Variants in LUZP2 observed in about 807,000 individuals in gnomAD.
LUZP2 encodes leucine zipper protein 2.
A neutral mutation model predicts 51.6 loss-of-function variants in LUZP2; 52 were observed. The observed-to-expected ratio is 1.01, with a 90% confidence interval of 0.81 to 1.27. The LOEUF is 1.27. Ranked by LOEUF, LUZP2 falls within the 50% of genes most tolerant of loss-of-function variation. The probability of loss-of-function intolerance (pLI) is 0.00; values close to 1 mark genes in which losing one functional copy is unlikely to be tolerated. For synonymous variants in LUZP2, 154 were observed against 137.3 expected (o/e 1.12, Z -0.85); for missense variants, 436 against 395.4 (o/e 1.10, Z -0.87).
At chr11:25,050,306 T>TTTTTTTTTTTTTTTTTTTTTC (rs1858457095) in intron 10 of LUZP2, among the ~76,000 whole-genome samples, 176 bp downstream of exon 10, 1 of 104,350 alleles carries the variant, frequency 9.6e-6, no homozygotes, top group Non-Finnish European at 2.2e-5. Context: ...TTTTTTTTTT[T>TTTTTTTTTTTTTTTTTTTTTC]TTTTTTTTTT....
chr11:24,861,796 CG>C (rs1851751020), intron 5 of LUZP2, among the ~76,000 whole-genome samples: 1 of 152,162 alleles, frequency 6.6e-6, no homozygotes, highest in African/African-American at 2.4e-5. Flanking sequence ...ACAGTAGAAT[CG>C]CTCCTGTATA....
At chr11:24,817,711 C>T (rs1850227198) in intron 5 of LUZP2, among the ~76,000 whole-genome samples, 1 of 148,580 alleles carries the variant, frequency 6.7e-6, no homozygotes, top group African/African-American at 2.6e-5. Context: ...GTTCAAGATG[C>T]AGATTTGTCC....
chr11:25,030,490 T>C (rs1372699057), intron 9 of LUZP2, among the ~76,000 whole-genome samples: 1 of 152,020 alleles, frequency 6.6e-6, no homozygotes, highest in Non-Finnish European at 1.5e-5. Context: ...CATTAAAGAA[T>C]ATTGACAATT....
rs1481993088 is a variant in LUZP2 at position 25,060,720 on chromosome 11, G to A, written c.858+10590G>A. 4.6e-5 allele frequency among the ~76,000 whole-genome samples: 7 copies of A among 152,078 alleles called. No homozygotes were observed. In the East Asian group the frequency reaches 5.8e-4, roughly 13 times the overall value. On this transcript the variant is annotated intron_variant, in intron 10 of 11. Coordinates refer to ENST00000336930, the MANE Select transcript of LUZP2 (RefSeq NM_001009909.4). ...AAGTTTTCAACAGTATAAATAAAAA[G>A]AAAAGTGATATAGAATAAAAAGCCA...
Position 24,858,541 on chromosome 11 carries a change from A to C in LUZP2, c.397-47450A>C, listed in dbSNP as rs550680922. On this transcript the variant is annotated intron_variant, in intron 5 of 11. Transcript: ENST00000336930. The stretch of plus-strand genomic sequence containing the variant: ...TAATGTTACATTTCTCTGTATTTCT[A>C]CGGGCATTGAGTCTCTCAGCAGGAG... 3.8e-3 allele frequency among the ~76,000 whole-genome samples: 584 copies of C among 152,248 alleles called. 2 individuals carry two copies. The highest frequency in any genetic ancestry group is 0.013 in the African/African-American group (535 of 41,544).
chr11:24,958,470 T>C (rs1179291843), intron 7 of LUZP2, among the ~76,000 whole-genome samples: 1 of 152,200 alleles, frequency 6.6e-6, no homozygotes, highest in East Asian at 1.9e-4. Context: ...TGATAACTCA[T>C]TGTGGTTTTG....
At chr11:24,926,823 C>T (rs937207813) in intron 7 of LUZP2, among the ~76,000 whole-genome samples, 6 of 151,646 alleles carry the variant, frequency 4.0e-5, no homozygotes, top group South Asian at 2.1e-4. Context: ...CACACTGTTT[C>T]TCATAGTGGT....
chr11:24,609,796 A>C (rs1854057253), intron 1 of LUZP2, among the ~76,000 whole-genome samples: 2 of 151,480 alleles, frequency 1.3e-5, no homozygotes, highest in Non-Finnish European at 2.9e-5. Context: ...GTTAAATTGC[A>C]AACCAGCTAG....
At chr11:24,770,133 A>C (rs1235895513) in intron 5 of LUZP2, among the ~76,000 whole-genome samples, 1 of 152,204 alleles carries the variant, frequency 6.6e-6, no homozygotes, top group East Asian at 1.9e-4. Flanking sequence ...TTTCACTTTC[A>C]AAACACCCTT....
At chr11:24,586,189 C>A (rs932579092) in intron 1 of LUZP2, among the ~76,000 whole-genome samples, 1 of 152,074 alleles carries the variant, frequency 6.6e-6, no homozygotes, top group African/African-American at 2.4e-5. Flanking sequence ...TCAACAGAAG[C>A]ATGTATGTTC....
Position 24,805,522 on chromosome 11 carries a change from A to G in LUZP2, c.396+42214A>G, listed in dbSNP as rs566601506. 1.8e-3 allele frequency among the ~76,000 whole-genome samples: 273 copies of G among 152,214 alleles called. 1 individual carries two copies. The highest frequency in any genetic ancestry group is 6.3e-3 in the African/African-American group (263 of 41,538). ...TTTACTTCATACTCTTTCCTTTGTC[A>G]ACATTCTCTTGGATTTGCCCTACAG... On this transcript the variant is annotated intron_variant, in intron 5 of 11. Coordinates refer to ENST00000336930, the MANE Select transcript of LUZP2 (RefSeq NM_001009909.4).
chr11:24,921,038 T>A (rs1240252149), intron 7 of LUZP2, among the ~76,000 whole-genome samples: 2 of 152,056 alleles, frequency 1.3e-5, no homozygotes, highest in Non-Finnish European at 2.9e-5. Flanking sequence ...AGCACTTACA[T>A]TGTATTAGGT....
chr11:24,648,506 A>G (rs1855530416), intron 1 of LUZP2, among the ~76,000 whole-genome samples: 1 of 152,008 alleles, frequency 6.6e-6, no homozygotes. Flanking sequence ...ACATCTTGTG[A>G]AACTGATACA....
chr11:24,663,529 T>C (rs1162367581), intron 1 of LUZP2, among the ~76,000 whole-genome samples: 4 of 152,232 alleles, frequency 2.6e-5, no homozygotes, highest in African/African-American at 9.6e-5. Flanking sequence ...GTAGTGTGAC[T>C]TTCTTCTCAA....
At chr11:25,034,196 T>C (rs1015814361) in intron 9 of LUZP2, among the ~76,000 whole-genome samples, 8 of 152,206 alleles carry the variant, frequency 5.3e-5, no homozygotes, top group African/African-American at 1.9e-4. Flanking sequence ...AGCATTTTTT[T>C]CATATGTTTG....
At chr11:24,729,832 C>A (rs1858648135) in intron 2 of LUZP2, among the ~76,000 whole-genome samples, 1 of 151,604 alleles carries the variant, frequency 6.6e-6, no homozygotes, top group African/African-American at 2.4e-5. Context: ...TTTATTATAT[C>A]CTGTATGCTA....
intron 9 of LUZP2, among the ~76,000 whole-genome samples, chr11:24,986,713 TA>T (rs1215754089): frequency 6.6e-6 from 1 of 151,754 alleles, no homozygotes; most frequent in Non-Finnish European, 1.5e-5. Context: ...GTGTAATTAA[TA>T]GCATTCTGAA....
intron 9 of LUZP2, among the ~76,000 whole-genome samples, chr11:24,989,677 C>A (rs1433380842): frequency 6.6e-6 from 1 of 152,008 alleles, no homozygotes; most frequent in Non-Finnish European, 1.5e-5. Context: ...ATTATATGAA[C>A]AACTGGGATA....
intron 1 of LUZP2, among the ~76,000 whole-genome samples, chr11:24,587,988 A>G (rs1375541454): frequency 6.6e-6 from 1 of 152,118 alleles, no homozygotes; most frequent in Non-Finnish European, 1.5e-5. Context: ...CACCCCTATT[A>G]GTTCAAGGTC....
Sources: allele counts gnomAD v4.1 joint callset (sites outside exome capture counted in the v4.1 genomes callset), GRCh38; gene constraint gnomAD v4.1.1; transcripts MANE v1.5; gene names NCBI Gene and HGNC (gene_info 2026-07-23, HGNC 2026-07-21).